COL6A6: variants seen among roughly 807,000 people sequenced by gnomAD.
The protein encoded by COL6A6 is collagen type VI alpha 6 chain, also known as collagen alpha-6(VI) chain.
COL6A6 carries 183 observed loss-of-function variants against 208.6 expected under a neutral mutation model. The observed-to-expected ratio is 0.88, with a 90% confidence interval of 0.78 to 0.99. The LOEUF is 0.99. Among genes scored for constraint, COL6A6 ranks in the 50% least tolerant of loss-of-function variants. COL6A6 has a pLI of 0.00. For synonymous variants in COL6A6, 973 were observed against 1,011.8 expected (o/e 0.96, Z 0.73); for missense variants, 2,816 against 2,815.2 (o/e 1.00, Z -0.01).
intron 33 of COL6A6, among the ~76,000 whole-genome samples, chr3:130,650,433 T>C (rs1051005801): frequency 6.6e-6 from 1 of 151,988 alleles, no homozygotes; most frequent in African/African-American, 2.4e-5. Context: ...CCATCCTGGC[T>C]AACACGGTGA....
At chr3:130,546,290 C>T (rs1304788918) in intron 1 of COL6A6, among the ~76,000 whole-genome samples, 3 of 151,426 alleles carry the variant, frequency 2.0e-5, no homozygotes, top group African/African-American at 7.3e-5. Context: ...CAGACCTTCG[C>T]GATGAGTGTT....
intron 1 of COL6A6, among the ~76,000 whole-genome samples, chr3:130,547,953 A>G (rs2062556348): frequency 6.6e-6 from 1 of 152,114 alleles, no homozygotes; most frequent in African/African-American, 2.4e-5. Context: ...ACCTGCCATC[A>G]TGTCTGACTA....
At chr3:130,615,533 T>C (rs1308515963) in intron 23 of COL6A6, among the ~76,000 whole-genome samples, 2 of 152,208 alleles carry the variant, frequency 1.3e-5, no homozygotes, top group Non-Finnish European at 1.5e-5. Flanking sequence ...TGATACTGTT[T>C]TAAAGCATGT....
chr3:130,635,723 C>T lies in COL6A6; in HGVS notation c.5053C>T (p.Pro1685Ser), dbSNP rs566975595. Residue 1685 changes from proline (P) to serine (S), a missense_variant, in exon 28 of 37, where the codon CCA (proline) becomes TCA (serine). Transcript: ENST00000358511. ...PKGEIGDPGG[P>S]GETGLKGARG... ...GGGTGAGATTGGGGACCCTGGTGGT[C>T]CAGGAGAGACTGGGCTGAAGGGAGC... The T allele has an allele frequency of 5.0e-6, 8 of 1,611,944 alleles. No homozygotes were observed. Among genetic ancestry groups the T allele is most frequent in the African/African-American group, 4.0e-5 (3 of 75,018 alleles).
chr3:130,645,085 G>T, intron 32 of COL6A6, 83 bp downstream of exon 32: 1 of 1,356,038 alleles, frequency 7.4e-7, no homozygotes, highest in Non-Finnish European at 1.1e-6. Context: ...GCAATGTATT[G>T]GCTTCCAAAT....
chr3:130,602,024 G>T (rs538401123), intron 20 of COL6A6, among the ~76,000 whole-genome samples: 51 of 152,226 alleles, frequency 3.4e-4, no homozygotes, highest in Non-Finnish European at 5.3e-4. Context: ...TATACACATA[G>T]GGCCATAGTT....
At chr3:130,563,965 A>C (rs2062957220) in intron 3 of COL6A6, among the ~76,000 whole-genome samples, 1 of 152,152 alleles carries the variant, frequency 6.6e-6, no homozygotes, top group South Asian at 2.1e-4. Context: ...CCTGGGCTTT[A>C]GTTGCTATGT....
At chr3:130,531,039 GACACACACACACACACACACAGTCTC>G (rs1240631348) in intron 1 of COL6A6, among the ~76,000 whole-genome samples, 70 of 138,048 alleles carry the variant, frequency 5.1e-4, no homozygotes, top group Non-Finnish European at 9.9e-4. Flanking sequence ...CACACACACA[GACACACACACACACACACACAGTCTC>G]TCTCTCTCTC....
intron 18 of COL6A6, among the ~76,000 whole-genome samples, chr3:130,595,432 C>T (rs79591779): frequency 0.034 from 5,189 of 152,206 alleles, 288 homozygotes; most frequent in African/African-American, 0.12. Flanking sequence ...AGAAATAGAA[C>T]ATTACCAGCA....
intron 23 of COL6A6, among the ~76,000 whole-genome samples, chr3:130,614,738 G>A (rs1370605035): frequency 1.3e-5 from 2 of 152,106 alleles, no homozygotes; most frequent in African/African-American, 2.4e-5. Context: ...TCATTCTTGG[G>A]AGGTTGTTTG....
Position 130,658,723 on chromosome 3 carries a change from C to T in COL6A6, c.5781C>T (p.Ala1927=), listed in dbSNP as rs565485035. The T allele has an allele frequency of 6.2e-6, 10 of 1,613,172 alleles. No individual in the cohort carries two copies. Among genetic ancestry groups the T allele is most frequent in the East Asian group, 4.5e-5 (2 of 44,878 alleles). The change falls in exon 34 of 37, where the codon GCC becomes GCT. Residue 1927 remains alanine, a synonymous_variant. Transcript: ENST00000358511. ...AAGTAATAGTGGTTCCCTCCGGGGC[C>T]GACTACATACCAGCATTAGAGAGAC... The part of the protein sequence containing the change: ...TFQVIVVPSG[A]DYIPALERLQ...
chr3:130,645,005 G>A lies in COL6A6; in HGVS notation c.5239+3G>A. 6.2e-7 allele frequency: 1 copy of A among 1,612,014 alleles called. No individual in the cohort carries two copies. Among genetic ancestry groups the A allele is most frequent in the Non-Finnish European group, 8.5e-7 (1 of 1,178,192 alleles). ...TTCTTCCCCAGCTGGCAGGCATGGT[G>A]AGTAATCTTTATTTACAGCATGCTT... On this transcript the variant is annotated splice_donor_region_variant and intron_variant, in intron 32 of 36. Transcript: ENST00000358511.
Position 130,581,980 on chromosome 3 carries a change from ACTTT to A in COL6A6, c.3892-6_3892-3del, listed in dbSNP as rs763064679. 3 of 1,601,626 alleles carry A rather than the reference ACTTT, an allele frequency of 1.9e-6. No individual in the cohort carries two copies. The highest frequency in any genetic ancestry group is 2.6e-6 in the Non-Finnish European group (3 of 1,174,686). ...TTAATTCATTTTACTTTTTTTGAAT[ACTTT>A]CTTAGGTGGTCCTTTTATTTTCAGA... On this transcript the variant is annotated splice_polypyrimidine_tract_variant and splice_region_variant and intron_variant, in intron 9 of 36. Transcript: ENST00000358511.
intron 1 of COL6A6, among the ~76,000 whole-genome samples, chr3:130,533,239 T>G (rs2062146070): frequency 7.2e-6 from 1 of 138,028 alleles, no homozygotes; most frequent in Non-Finnish European, 1.5e-5. Flanking sequence ...TTCATAGCCT[T>G]ACATCCCAGG....
intron 13 of COL6A6, 35 bp downstream of exon 13, chr3:130,591,129 C>G (rs372630705): frequency 3.4e-5 from 48 of 1,405,770 alleles, no homozygotes; most frequent in Admixed American, 3.9e-5. Flanking sequence ...CCATTTATCC[C>G]TAAAAACATC....
chr3:130,568,688 T>G, intron 6 of COL6A6, 84 bp downstream of exon 6: 2 of 1,262,818 alleles, frequency 1.6e-6, no homozygotes, highest in Non-Finnish European at 2.2e-6. Context: ...TAATTCTATT[T>G]ACATATTGTA....
Position 130,641,570 on chromosome 3 carries a change from ATT to A in COL6A6, c.5092-79_5092-78del. The A allele has an allele frequency of 4.7e-6, 3 of 645,102 alleles. No homozygotes were observed. In the South Asian group the frequency reaches 1.2e-4, roughly 25 times the overall value. The allele number at this position is 645,102 out of a possible 1,614,324, so 40.0% of individuals were successfully genotyped here. A position where few individuals can be genotyped will look rare whatever the true frequency, so the allele number is the denominator to read the frequency against. ...TTCACTTTTGAATTTTCACCTTTGA[ATT>A]TTAATTTTTTAAAATTTGAATTTAC... On this transcript the variant is annotated intron_variant, in intron 28 of 36. Coordinates refer to ENST00000358511, the MANE Select transcript of COL6A6 (RefSeq NM_001102608.3).
rs531477511 is a variant in COL6A6, at chr3:130,649,369, G to A, written c.5540G>A (p.Arg1847Gln). Reference protein sequence around the residue: ...SASREIGRAMRFISRNVFKRT... With the variant: ...SASREIGRAMQFISRNVFKRT... ...AGCAGGGAGATTGGCAGAGCAATGC[G>A]GTTTATTTCCAGGAATGTCTTCAAG... Residue 1847 changes from arginine (R) to glutamine (Q), a missense_variant, in exon 33 of 37, where the codon CGG (arginine) becomes CAG (glutamine). Physicochemically the swap from Arg to Gln is conservative, Grantham distance 43 (BLOSUM62 1). Coordinates refer to ENST00000358511, the MANE Select transcript of COL6A6 (RefSeq NM_001102608.3). 13 of 1,612,072 alleles carry A rather than the reference G, an allele frequency of 8.1e-6. No homozygotes were observed. Among genetic ancestry groups the A allele is most frequent in the Non-Finnish European group, 1.1e-5 (13 of 1,179,224 alleles).
chr3:130,567,033 A>G lies in COL6A6; in HGVS notation c.1614A>G (p.Pro538=), dbSNP rs2063042896. Reference sequence around the variant, plus strand: ...AGAAGCAGCGAGGAAACAAAGTTCCATGCCACCTTGTTGTCCTGACAAATG... The same window carrying G: ...AGAAGCAGCGAGGAAACAAAGTTCCGTGCCACCTTGTTGTCCTGACAAATG... The part of the protein sequence containing the change: ...KAKKQRGNKV[P]CHLVVLTNGM... Residue 538 remains proline (P), a synonymous_variant, in exon 5 of 37, where the codon CCA becomes CCG. Coordinates refer to ENST00000358511, the MANE Select transcript of COL6A6 (RefSeq NM_001102608.3). The G allele has an allele frequency of 2.5e-6, 4 of 1,613,962 alleles. No homozygotes were observed. In the Admixed American group the frequency reaches 5.0e-5, roughly 20 times the overall value.
Sources: allele counts gnomAD v4.1 joint callset (sites outside exome capture counted in the v4.1 genomes callset), GRCh38; gene constraint gnomAD v4.1.1; transcripts MANE v1.5; gene names NCBI Gene and HGNC (gene_info 2026-07-23, HGNC 2026-07-21).